The following GMPPB variants were observed in gnomAD, a reference collection of about 807,000 sequenced individuals.
GMPPB encodes the protein GDP-mannose pyrophosphorylase B.
GMPPB carries 38 observed loss-of-function variants against 40.3 expected under a neutral mutation model. The observed-to-expected ratio is 0.94, with a 90% confidence interval of 0.73 to 1.24. The LOEUF is 1.24. GMPPB is among the 50% of genes most tolerant of loss of function. The probability of loss-of-function intolerance (pLI) is 0.00; values close to 1 mark genes in which losing one functional copy is unlikely to be tolerated. For missense variants in GMPPB, 436 were observed against 487.1 expected, an observed-to-expected ratio of 0.90 and a Z score of 0.99; for synonymous variants, 193 against 191.8, an observed-to-expected ratio of 1.01 and a Z score of -0.05.
In GMPPB at chr3:49,722,892, A is replaced by G. The variant is rs939709143; in HGVS notation, c.402+80T>C. On this transcript the variant is annotated intron_variant, in intron 4 of 8. Coordinates refer to ENST00000308388, the MANE Select transcript of GMPPB (RefSeq NM_021971.4). ...ACAGCTCTGTATCCATAACATCCGA[A>G]GGCAGATGAAGGCTAGGGGGCATGG... is the stretch of plus-strand genomic sequence containing the variant. 18 of 1,533,178 alleles carry G rather than the reference A, an allele frequency of 1.2e-5. No homozygotes were observed. In the African/African-American group the frequency reaches 2.1e-4, roughly 18 times the overall value. The allele number at this position is 1,533,178 out of a possible 1,614,324, so 95.0% of individuals were successfully genotyped here.
At position 49,722,390 on chromosome 3, in the gene GMPPB, C is replaced by G. The variant is rs977744004; in HGVS notation, c.641-32G>C. The G allele has an allele frequency of 2.2e-5, 36 of 1,613,408 alleles. No individual in the cohort carries two copies. In the Admixed American group the frequency reaches 2.3e-4, roughly 10 times the overall value. On this transcript the variant is annotated intron_variant, in intron 6 of 8. Transcript: ENST00000308388. ...GGAGGGATGCATCAGGGGCCTCAGCCCAGCCACAGACCACCCCCACCCTGT... is the reference window on the plus strand; with the variant it reads ...GGAGGGATGCATCAGGGGCCTCAGCGCAGCCACAGACCACCCCCACCCTGT...
In GMPPB at chr3:49,722,641, G is replaced by C. The variant is rs147672249; in HGVS notation, c.516C>G (p.Asn172Lys). 1.2e-6 allele frequency: 2 copies of C among 1,614,088 alleles called. No homozygotes were observed. Among genetic ancestry groups the C allele is most frequent in the Non-Finnish European group, 1.7e-6 (2 of 1,180,030 alleles). ...KPQVFVSNKI[N>K]AGMYILSPAV... is the part of the protein sequence containing the mutation. ...CAGGGCTCAGGATGTACATGCCTGC[G>C]TTGATCTTATTGGACACAAACACCT... Residue 172 changes from asparagine to lysine, a missense_variant, in exon 5 of 9, where the codon AAC becomes AAG. Physicochemically the swap from Asn to Lys is moderately conservative, Grantham distance 94 (BLOSUM62 0). Coordinates refer to ENST00000308388, the MANE Select transcript of GMPPB (RefSeq NM_021971.4).
In GMPPB at chr3:49,720,639, T is replaced by C. The variant is rs968536450; in HGVS notation, c.*1113A>G. ...CTGCCAGCCCCTGACCGGAAGCGCT[T>C]CTCCCTGCAGAGCTGTGAGTGGGCT... On this transcript the variant is annotated 3_prime_UTR_variant, in exon 9 of 9. Coordinates refer to ENST00000308388, the MANE Select transcript of GMPPB (RefSeq NM_021971.4). The C allele has an allele frequency of 1.9e-6, 3 of 1,600,532 alleles. No homozygotes were observed. Among genetic ancestry groups the C allele is most frequent in the Non-Finnish European group, 2.6e-6 (3 of 1,170,834 alleles).
In GMPPB at chr3:49,720,317, G is replaced by GAA. The variant is rs370438853; in HGVS notation, c.*1433_*1434dup. 9,143 of 336,744 alleles carry GAA rather than the reference G, an allele frequency of 0.027. No homozygotes were observed. Among genetic ancestry groups the GAA allele is most frequent in the East Asian group, 0.032 (714 of 22,438 alleles). The allele number at this position is 336,744 out of a possible 1,614,324, so 20.9% of individuals were successfully genotyped here. On this transcript the variant is annotated 3_prime_UTR_variant, in exon 9 of 9. Coordinates refer to ENST00000308388, the MANE Select transcript of GMPPB (RefSeq NM_021971.4). ...GGCAACAGAGCGAGACTCGTCTCAA[G>GAA]AAAAAAAAAAAAAAAACAGGCTGTG...
In GMPPB at chr3:49,720,395, A is replaced by C; in HGVS notation, c.*1357T>G. ...GGGTTTGGGAAGCAGGGAGACGGAAAGGATGCAGGGGGGGTGATCATGTAC... is the reference window on the plus strand; with the variant it reads ...GGGTTTGGGAAGCAGGGAGACGGAACGGATGCAGGGGGGGTGATCATGTAC... On this transcript the variant is annotated 3_prime_UTR_variant, in exon 9 of 9. Coordinates refer to ENST00000308388, the MANE Select transcript of GMPPB (RefSeq NM_021971.4). The C allele has an allele frequency of 9.5e-7, 1 of 1,051,100 alleles. No homozygotes were observed. Among genetic ancestry groups the C allele is most frequent in the South Asian group, 2.3e-5 (1 of 43,208 alleles). 65.1% of individuals were successfully genotyped at this position (1,051,100 alleles called of 1,614,324 possible).
In GMPPB at chr3:49,720,165, A is replaced by C. The variant is rs968495369; in HGVS notation, c.*1587T>G. 1 of 170,100 alleles carries C rather than the reference A, an allele frequency of 5.9e-6. No homozygotes were observed. Among genetic ancestry groups the C allele is most frequent in the Non-Finnish European group, 1.2e-5 (1 of 80,014 alleles). 10.5% of individuals were successfully genotyped at this position (170,100 alleles called of 1,614,324 possible). A position where few individuals can be genotyped will look rare whatever the true frequency, so the allele number is the denominator to read the frequency against. On this transcript the variant is annotated 3_prime_UTR_variant, in exon 9 of 9. Coordinates refer to ENST00000308388, the MANE Select transcript of GMPPB (RefSeq NM_021971.4). ...ACCCTGTCTCTACTAAAAATACAACAATTAGCCGGGCGTGGTGGTGGGCGT... is the reference window on the plus strand; with the variant it reads ...ACCCTGTCTCTACTAAAAATACAACCATTAGCCGGGCGTGGTGGTGGGCGT...
rs1175117219 is a variant in GMPPB at position 49,720,420 on chromosome 3, C to T, written c.*1332G>A. 5 of 1,316,008 alleles carry T rather than the reference C, an allele frequency of 3.8e-6. No individual in the cohort carries two copies. The highest frequency in any genetic ancestry group is 2.5e-5 in the East Asian group (1 of 40,636). 81.5% of individuals were successfully genotyped at this position (1,316,008 alleles called of 1,614,324 possible). On this transcript the variant is annotated 3_prime_UTR_variant, in exon 9 of 9. Coordinates refer to ENST00000308388, the MANE Select transcript of GMPPB (RefSeq NM_021971.4). The stretch of plus-strand genomic sequence containing the variant: ...AGGATGCAGGGGGGGTGATCATGTA[C>T]GAGCCATGGCACTCCTCATTGGCAA...
Position 49,721,664 on chromosome 3 carries a change from T to C in GMPPB, c.*88A>G. 7.8e-7 allele frequency: 1 copy of C among 1,281,036 alleles called. No homozygotes were observed. The highest frequency in any genetic ancestry group is 2.3e-5 in the East Asian group (1 of 43,056). The allele number at this position is 1,281,036 out of a possible 1,614,324, so 79.4% of individuals were successfully genotyped here. The stretch of plus-strand genomic sequence containing the variant: ...CACCCAGTGCCCCCCAGACAAATAA[T>C]GACAAGTCCAGGGTCTTCTGATGTG... On this transcript the variant is annotated 3_prime_UTR_variant, in exon 9 of 9. Transcript: ENST00000308388.
At chr3:49,722,798 A>C in intron 4 of GMPPB, 44 bp from the exon 5 acceptor site, 1 of 1,585,190 alleles carries the variant, frequency 6.3e-7, no homozygotes, top group South Asian at 1.2e-5. Context: ...CAGTGTTCCT[A>C]AGCCTTGATA....
Position 49,722,257 on chromosome 3 carries a change from G to A in GMPPB, c.742C>T (p.Pro248Ser), listed in dbSNP as rs779737240. 1.9e-6 allele frequency: 3 copies of A among 1,613,870 alleles called. No homozygotes were observed. The Admixed American group carries it at 5.0e-5, about 27-fold the overall frequency. The change falls in exon 7 of 9, where the codon CCT becomes TCT. Residue 248 changes from proline to serine, a missense_variant. Pro to Ser is a moderately conservative substitution (Grantham distance 74). Coordinates refer to ENST00000308388, the MANE Select transcript of GMPPB (RefSeq NM_021971.4). ...ACCAGCACGTTGCCCACAATGCCAG[G>A]GCCTGAGCACAGCCGCTCAGGCTGC... ...QKQPERLCSGPGIVGNVLVDP... is the reference protein window; with the variant it reads ...QKQPERLCSGSGIVGNVLVDP...
intron 3 of GMPPB, 28 bp from the exon 4 acceptor site, chr3:49,723,142 T>C: frequency 6.2e-7 from 1 of 1,613,516 alleles, no homozygotes; most frequent in Non-Finnish European, 8.5e-7. Context: ...GTCACCACCT[T>C]GCTGGAGGTC....
At position 49,722,677 on chromosome 3, in the gene GMPPB, C is replaced by A; in HGVS notation, c.480G>T (p.Val160=). The change falls in exon 5 of 9, where the codon GTG becomes GTT. Residue 160 remains valine (V), a synonymous_variant. Coordinates refer to ENST00000308388, the MANE Select transcript of GMPPB (RefSeq NM_021971.4). ...EADTGRIHRF[V]EKPQVFVSNK... is the part of the protein sequence containing the mutation. The stretch of plus-strand genomic sequence containing the variant: ...TGGACACAAACACCTGTGGCTTCTC[C>A]ACGAACCGGTGAATGCGGCCTGTGT... 1 of 1,613,956 alleles carries A rather than the reference C, an allele frequency of 6.2e-7. No individual in the cohort carries two copies. Among genetic ancestry groups the A allele is most frequent in the Non-Finnish European group, 8.5e-7 (1 of 1,180,026 alleles).
chr3:49,723,671 A>G lies in GMPPB; in HGVS notation c.56T>C (p.Leu19Pro). Reference sequence around the variant, plus strand: ...GTCCACCAGTGGCTTCGGGGTGCTCAGCGTCAGCGGCCGTAGCCGCGTCCC... The same window carrying G: ...GTCCACCAGTGGCTTCGGGGTGCTCGGCGTCAGCGGCCGTAGCCGCGTCCC... ...GYGTRLRPLT[L>P]STPKPLVDFC... Residue 19 changes from leucine to proline, a missense_variant, in exon 1 of 9, where the codon CTG becomes CCG. By Grantham distance (98) the Leu-to-Pro change is moderately conservative. Transcript: ENST00000308388. 2 of 1,583,740 alleles carry G rather than the reference A, an allele frequency of 1.3e-6. No homozygotes were observed. Among genetic ancestry groups the G allele is most frequent in the Non-Finnish European group, 1.7e-6 (2 of 1,167,306 alleles).
chr3:49,721,135 G>A lies in GMPPB; in HGVS notation c.*617C>T. ...GTGGGCCCCACAGCTTGGTGGTGGG[G>A]AGAGCAGTAGGTACATGCAGGGCAG... On this transcript the variant is annotated 3_prime_UTR_variant, in exon 9 of 9. Coordinates refer to ENST00000308388, the MANE Select transcript of GMPPB (RefSeq NM_021971.4). 2.5e-6 allele frequency: 4 copies of A among 1,614,038 alleles called. No homozygotes were observed. The highest frequency in any genetic ancestry group is 1.3e-5 in the African/African-American group (1 of 75,052).
rs756276205 is a variant in GMPPB, at chr3:49,720,498, C to T, written c.*1254G>A. ...CAAGCCTTCTGACTGCCCTTGCACC[C>T]TCCCCTACCTAGGAGAGAGCAAGCC... On this transcript the variant is annotated 3_prime_UTR_variant, in exon 9 of 9. Transcript: ENST00000308388. 1 of 1,548,186 alleles carries T rather than the reference C, an allele frequency of 6.5e-7. No individual in the cohort carries two copies. The highest frequency in any genetic ancestry group is 8.7e-7 in the Non-Finnish European group (1 of 1,145,518).
rs1464233491 is a variant in GMPPB at position 49,723,712 on chromosome 3, G to T, written c.15C>A (p.Ile5=). 2 of 1,591,276 alleles carry T rather than the reference G, an allele frequency of 1.3e-6. No homozygotes were observed. The highest frequency in any genetic ancestry group is 1.3e-5 in the African/African-American group (1 of 74,168). Reference sequence around the variant, plus strand: ...GCCGCGTCCCATAGCCCCCCACTAAGATCAGTGCCTTCATCGCGCCTGCGG... The same window carrying T: ...GCCGCGTCCCATAGCCCCCCACTAATATCAGTGCCTTCATCGCGCCTGCGG... MKAL[I]LVGGYGTRLR... The change falls in exon 1 of 9, where the codon ATC becomes ATA. Residue 5 remains isoleucine (I), a synonymous_variant. Transcript: ENST00000308388.
chr3:49,723,632 G>A lies in GMPPB; in HGVS notation c.95C>T (p.Pro32Leu), dbSNP rs397509426. 6.9e-5 allele frequency: 110 copies of A among 1,584,344 alleles called. No homozygotes were observed. The highest frequency in any genetic ancestry group is 1.2e-4 in the Admixed American group (7 of 56,358). Residue 32 changes from proline (P) to leucine (L), a missense_variant, in exon 1 of 9, where the codon CCC becomes CTC. Physicochemically the swap from Pro to Leu is moderately conservative, Grantham distance 98. Transcript: ENST00000308388. Reference sequence around the variant, plus strand: ...CGCCTCCACTTGGTGCAGCAAGATGGGCTTATTGCAGAAGTCCACCAGTGG... The same window carrying A: ...CGCCTCCACTTGGTGCAGCAAGATGAGCTTATTGCAGAAGTCCACCAGTGG... The part of the protein sequence containing the change: ...PKPLVDFCNK[P>L]ILLHQVEALA...
rs947464430 is a variant in GMPPB, at chr3:49,723,879, G to T, written c.-153C>A. On this transcript the variant is annotated 5_prime_UTR_variant, in exon 1 of 9. Coordinates refer to ENST00000308388, the MANE Select transcript of GMPPB (RefSeq NM_021971.4). ...CTGGCTCCACCTCGTCCGCCCGGTCGCCCTGACGCCGGATCCAGGGCCGCC... is the reference window on the plus strand; with the variant it reads ...CTGGCTCCACCTCGTCCGCCCGGTCTCCCTGACGCCGGATCCAGGGCCGCC... The T allele has an allele frequency of 2.4e-6, 2 of 844,280 alleles. No individual in the cohort carries two copies. The highest frequency in any genetic ancestry group is 6.6e-5 in the Admixed American group (2 of 30,218). 52.3% of individuals were successfully genotyped at this position (844,280 alleles called of 1,614,324 possible).
Position 49,723,011 on chromosome 3 carries a change from C to T in GMPPB, c.363G>A (p.Val121=), listed in dbSNP as rs751418648. The T allele has an allele frequency of 5.0e-6, 8 of 1,613,732 alleles. No individual in the cohort carries two copies. In the East Asian group the frequency reaches 1.8e-4, roughly 36 times the overall value. Reference sequence around the variant, plus strand: ...CCTGGCCATGGTGCCGGTGGAACTGCACCATGGCTTGGAAGGGGAAATCGC... The same window carrying T: ...CCTGGCCATGGTGCCGGTGGAACTGTACCATGGCTTGGAAGGGGAAATCGC... The part of the protein sequence containing the change: ...VICDFPFQAM[V]QFHRHHGQEG... The change falls in exon 4 of 9, where the codon GTG becomes GTA. Residue 121 remains valine, a synonymous_variant. Transcript: ENST00000308388.
Sources: allele counts gnomAD v4.1 joint callset, GRCh38; gene constraint gnomAD v4.1.1; transcripts MANE v1.5; gene names NCBI Gene and HGNC (gene_info 2026-07-23, HGNC 2026-07-21).